NDOR1: variants seen among roughly 807,000 people sequenced by gnomAD.
The protein encoded by NDOR1 is NADPH dependent diflavin oxidoreductase 1, also known as NADPH-dependent diflavin oxidoreductase 1.
A neutral mutation model predicts 67.2 loss-of-function variants in NDOR1; 61 were observed. The ratio of observed to expected loss-of-function variants is 0.91; its 90% CI spans 0.74 to 1.12. The LOEUF (loss-of-function observed/expected upper bound fraction) is 1.12, where lower values mean the gene tolerates loss of function less well. Ranked by LOEUF, NDOR1 falls within the 50% of genes most tolerant of loss-of-function variation. The pLI, the probability that NDOR1 is intolerant of heterozygous loss-of-function variation, is 0.00. For synonymous variants in NDOR1, 378 were observed against 343.7 expected, an observed-to-expected ratio of 1.10 and a Z score of -1.10; for missense variants, 878 against 802.8, an observed-to-expected ratio of 1.09 and a Z score of -1.13.
At position 137,217,105 on chromosome 9, in the gene NDOR1, C is replaced by CCTGGGTG. The variant is rs761840171; in HGVS notation, c.*701_*707dup. The CCTGGGTG allele has an allele frequency of 5.4e-6, 1 of 185,580 alleles. No individual in the cohort carries two copies. Among genetic ancestry groups the CCTGGGTG allele is most frequent in the Non-Finnish European group, 1.1e-5 (1 of 90,698 alleles). 11.5% of individuals were successfully genotyped at this position (185,580 alleles called of 1,614,324 possible). A position where few individuals can be genotyped will look rare whatever the true frequency, so the allele number is the denominator to read the frequency against. On this transcript the variant is annotated 3_prime_UTR_variant, in exon 14 of 14. Coordinates refer to ENST00000684003, the MANE Select transcript of NDOR1 (RefSeq NM_014434.4). ...GGCGTCCTCTAGCTCCTCCCGGTGC[C>CCTGGGTG]CTGGGTGCTGGGTGCTGGATGGGTG...
intron 2 of NDOR1, among the ~76,000 whole-genome samples, chr9:137,209,862 C>T (rs1426610597): frequency 3.3e-5 from 5 of 152,224 alleles, no homozygotes; most frequent in East Asian, 1.9e-4. Flanking sequence ...GAGGCCGAGG[C>T]GGGTGGATCA....
At position 137,206,290 on chromosome 9, in the gene NDOR1, A is replaced by AC. The variant is rs1371453027; in HGVS notation, c.200dup (p.Asp68Ter). On this transcript the variant is annotated frameshift_variant, in exon 2 of 14. Coordinates refer to ENST00000684003, the MANE Select transcript of NDOR1 (RefSeq NM_014434.4). LOFTEE classifies it high-confidence loss of function. Reference sequence around the variant, plus strand: ...GTTTGTGCAACTACAGGCCAAGGAGACCCCCCTGACAACATGAAGGTAAGG... The same window carrying AC: ...GTTTGTGCAACTACAGGCCAAGGAGACCCCCCCTGACAACATGAAGGTAAGG... 5.6e-6 allele frequency: 9 copies of AC among 1,613,516 alleles called. No individual in the cohort carries two copies. Among genetic ancestry groups the AC allele is most frequent in the South Asian group, 2.2e-5 (2 of 91,038 alleles).
chr9:137,213,750 A>G (rs756919417), intron 3 of NDOR1, 30 bp from the exon 4 acceptor site: 9 of 1,604,090 alleles, frequency 5.6e-6, no homozygotes, highest in South Asian at 1.1e-5. Flanking sequence ...CCCGGGCTCC[A>G]GCCCAGGACC....
intron 1 of NDOR1, 62 bp from the exon 2 acceptor site, chr9:137,206,170 T>C: frequency 1.2e-6 from 2 of 1,600,538 alleles, no homozygotes; most frequent in South Asian, 1.1e-5. Flanking sequence ...GGGGTCAAGT[T>C]TTGGGAAGGA....
At chr9:137,211,663 T>C (rs1442907714) in intron 2 of NDOR1, among the ~76,000 whole-genome samples, 2 of 151,834 alleles carry the variant, frequency 1.3e-5, no homozygotes, top group African/African-American at 4.8e-5. Flanking sequence ...TTTGCTCGCA[T>C]AGCGTGGCCC....
intron 9 of NDOR1, 75 bp from the exon 10 acceptor site, chr9:137,215,332 G>A (rs1225452954): frequency 6.4e-7 from 1 of 1,555,502 alleles, no homozygotes; most frequent in Non-Finnish European, 8.8e-7. Flanking sequence ...TCTGCGGGAG[G>A]TAGGTGGGGC....
chr9:137,218,359 G>C lies in NDOR1; in HGVS notation c.*1943G>C. 2.5e-6 allele frequency: 1 copy of C among 398,314 alleles called. No homozygotes were observed. The highest frequency in any genetic ancestry group is 4.4e-6 in the Non-Finnish European group (1 of 225,868). The allele number at this position is 398,314 out of a possible 1,614,324, so 24.7% of individuals were successfully genotyped here. ...GCAACCCTGGGCCCTGGGGCTCCCT[G>C]GAGCACCGCTACCAGCTGCGCTTCC... On this transcript the variant is annotated 3_prime_UTR_variant, in exon 14 of 14. Transcript: ENST00000684003.
At position 137,215,762 on chromosome 9, in the gene NDOR1, C is replaced by T. The variant is rs1271248771; in HGVS notation, c.1392C>T (p.Pro464=). 6.3e-7 allele frequency: 1 copy of T among 1,599,824 alleles called. No individual in the cohort carries two copies. The highest frequency in any genetic ancestry group is 1.1e-5 in the South Asian group (1 of 89,336). ...TGGGGCCTGGCACTGGGGTAGCCCC[C>T]TTCCGAGCAGCCATCCAGGAGCGTG... ...IMVGPGTGVA[P]FRAAIQERVA... The change falls in exon 11 of 14, where the codon CCC becomes CCT. Residue 464 remains proline (P), a synonymous_variant. Transcript: ENST00000684003.
rs987750943 is a variant in NDOR1, at chr9:137,214,658, G to C, written c.811G>C (p.Asp271His). The C allele has an allele frequency of 6.2e-7, 1 of 1,607,006 alleles. No individual in the cohort carries two copies. The highest frequency in any genetic ancestry group is 8.5e-7 in the Non-Finnish European group (1 of 1,179,918). ...RFCQVLGLDP[D>H]QLFMLQPREP... ...CTGCCAGGTGCTGGGCCTGGACCCT[G>C]ACCAGCTCTTCATGCTGCAGCCGCG... Residue 271 changes from aspartate to histidine, a missense_variant, in exon 7 of 14, where the codon GAC (aspartate) becomes CAC (histidine). Transcript: ENST00000684003.
At chr9:137,211,159 C>T (rs1835234825) in intron 2 of NDOR1, among the ~76,000 whole-genome samples, 1 of 152,136 alleles carries the variant, frequency 6.6e-6, no homozygotes, top group African/African-American at 2.4e-5. Context: ...ATGAGAAATC[C>T]TTCTAGAAAG....
rs762810520 is a variant in NDOR1 at position 137,215,776 on chromosome 9, T to C, written c.1406T>C (p.Ile469Thr). The C allele has an allele frequency of 3.8e-6, 6 of 1,597,984 alleles. No homozygotes were observed. The highest frequency in any genetic ancestry group is 4.3e-6 in the Non-Finnish European group (5 of 1,171,548). ...GTGVAPFRAA[I>T]QERVAQGQTG... ...GGGGTAGCCCCCTTCCGAGCAGCCA[T>C]CCAGGAGCGTGTGGCCCAGGGCCAG... The change falls in exon 11 of 14, where the codon ATC becomes ACC. Residue 469 changes from isoleucine (I) to threonine (T), a missense_variant. Coordinates refer to ENST00000684003, the MANE Select transcript of NDOR1 (RefSeq NM_014434.4).
At position 137,212,925 on chromosome 9, in the gene NDOR1, G is replaced by T. The variant is rs547412722; in HGVS notation, c.311+326G>T. On this transcript the variant is annotated intron_variant, in intron 3 of 13. Transcript: ENST00000684003. This position sits in a 1 kb window ranked among gnomAD's most constrained non-coding sequence, Gnocchi z 4.3. Reference sequence around the variant, plus strand: ...GACTTTGAGCCTGGAGGAGGACCCCGTATGCTCCTGCCACCCCAGAGGCCA... The same window carrying T: ...GACTTTGAGCCTGGAGGAGGACCCCTTATGCTCCTGCCACCCCAGAGGCCA... The T allele has an allele frequency of 6.0e-6, 2 of 332,066 alleles. No individual in the cohort carries two copies. The highest frequency in any genetic ancestry group is 1.3e-4 in the East Asian group (2 of 15,498). The allele number at this position is 332,066 out of a possible 1,614,324, so 20.6% of individuals were successfully genotyped here.
chr9:137,210,593 C>T (rs1284229061), intron 2 of NDOR1, among the ~76,000 whole-genome samples: 3 of 152,134 alleles, frequency 2.0e-5, no homozygotes, highest in Admixed American at 1.3e-4. Context: ...GGAATCCCAG[C>T]GCTTTGAGAA....
chr9:137,214,231 C>A lies in NDOR1; in HGVS notation c.540C>A (p.Phe180Leu). 6.2e-7 allele frequency: 1 copy of A among 1,612,718 alleles called. No homozygotes were observed. The highest frequency in any genetic ancestry group is 2.2e-5 in the East Asian group (1 of 44,856). ...TGCCCTCCAAGTTCACCCTGCTGTT[C>A]CTCCAAGAGGCACCCAGCACGGGCT... The part of the protein sequence containing the change: ...VPLPSKFTLL[F>L]LQEAPSTGSE... Residue 180 changes from phenylalanine (F) to leucine (L), a missense_variant, in exon 6 of 14, where the codon TTC becomes TTA. Physicochemically the swap from Phe to Leu is conservative, Grantham distance 22. Transcript: ENST00000684003.
chr9:137,216,507 T>C lies in NDOR1; in HGVS notation c.*91T>C. ...GGGAGCTCCTGGCCAGCAGCCGTCA[T>C]CCTCTCGGACCAGCCAGCTGGTCCT... On this transcript the variant is annotated 3_prime_UTR_variant, in exon 14 of 14. Transcript: ENST00000684003. 1 of 1,484,772 alleles carries C rather than the reference T, an allele frequency of 6.7e-7. No homozygotes were observed. Among genetic ancestry groups the C allele is most frequent in the Non-Finnish European group, 9.0e-7 (1 of 1,115,568 alleles). The allele number at this position is 1,484,772 out of a possible 1,614,324, so 92.0% of individuals were successfully genotyped here. A position where few individuals can be genotyped will look rare whatever the true frequency, so the allele number is the denominator to read the frequency against.
rs1311800141 is a variant in NDOR1 at position 137,216,755 on chromosome 9, A to T, written c.*339A>T. On this transcript the variant is annotated 3_prime_UTR_variant, in exon 14 of 14. Transcript: ENST00000684003. The stretch of plus-strand genomic sequence containing the variant: ...CCAGGACGGCATCAGCAGCCCAGTG[A>T]GCACCAGGGGTGGCATAGGGCACCC... 1 of 355,928 alleles carries T rather than the reference A, an allele frequency of 2.8e-6. No homozygotes were observed. Among genetic ancestry groups the T allele is most frequent in the African/African-American group, 2.1e-5 (1 of 47,680 alleles). 22.0% of individuals were successfully genotyped at this position (355,928 alleles called of 1,614,324 possible). A position where few individuals can be genotyped will look rare whatever the true frequency, so the allele number is the denominator to read the frequency against.
rs1835586545 is a variant in NDOR1 at position 137,216,201 on chromosome 9, G to A, written c.1649+13G>A. The A allele has an allele frequency of 1.2e-6, 2 of 1,613,276 alleles. No homozygotes were observed. Among genetic ancestry groups the A allele is most frequent in the East Asian group, 2.2e-5 (1 of 44,888 alleles). ...TCTACCTGGCAGGGTGAGCTGGCCTGCGTGCAGCAGGAGTGGGCCCAGCCC... is the reference window on the plus strand; with the variant it reads ...TCTACCTGGCAGGGTGAGCTGGCCTACGTGCAGCAGGAGTGGGCCCAGCCC... On this transcript the variant is annotated intron_variant, in intron 13 of 13. Coordinates refer to ENST00000684003, the MANE Select transcript of NDOR1 (RefSeq NM_014434.4).
At chr9:137,211,015 C>T (rs1407217871) in intron 2 of NDOR1, among the ~76,000 whole-genome samples, 1 of 152,176 alleles carries the variant, frequency 6.6e-6, no homozygotes, top group Non-Finnish European at 1.5e-5. Context: ...GTGGCACGCA[C>T]CTGTAATCCC....
intron 2 of NDOR1, among the ~76,000 whole-genome samples, chr9:137,207,313 A>G (rs1246781026): frequency 2.6e-5 from 4 of 151,976 alleles, no homozygotes; most frequent in Non-Finnish European, 4.4e-5. Context: ...AACGGACCCA[A>G]TAGGTCAAGC....
Sources: gnomAD v4.1 joint callset for allele counts (sites outside exome capture counted in the v4.1 genomes callset) on GRCh38, gnomAD v4.1.1 for gene constraint, Gnocchi (gnomAD v3.1) non-coding constraint, MANE v1.5 for transcripts, NCBI Gene and HGNC (gene_info 2026-07-23, HGNC 2026-07-21) for gene names.